Variants in MAGI2 observed in about 807,000 individuals in gnomAD.
The protein encoded by MAGI2 is membrane associated guanylate kinase, WW and PDZ domain containing 2.
Under a neutral mutation model 133.3 loss-of-function variants are expected in MAGI2, and 35 were observed. The observed-to-expected ratio is 0.26, with a 90% confidence interval of 0.20 to 0.35. The LOEUF (loss-of-function observed/expected upper bound fraction) is 0.35, where lower values mean the gene tolerates loss of function less well. MAGI2 is among the 10% of genes least tolerant of loss of function. The pLI, the probability that MAGI2 is intolerant of heterozygous loss-of-function variation, is 1.00. For missense variants in MAGI2, 1,636 were observed against 1,863.4 expected, an observed-to-expected ratio of 0.88 and a Z score of 2.25; for synonymous variants, 729 against 710.6, an observed-to-expected ratio of 1.03 and a Z score of -0.41.
intron 21 of MAGI2, among the ~76,000 whole-genome samples, chr7:78,051,549 T>C (rs1236531164): frequency 6.6e-6 from 1 of 152,162 alleles, no homozygotes; most frequent in Non-Finnish European, 1.5e-5. Flanking sequence ...GCCATTTCCA[T>C]GAGGTCAGGG....
intron 9 of MAGI2, among the ~76,000 whole-genome samples, chr7:78,279,220 G>A (rs1462255750): frequency 3.9e-5 from 6 of 152,116 alleles, no homozygotes; most frequent in Admixed American, 3.9e-4. Context: ...TGACTCAAAC[G>A]GTGGTATCAG....
intron 1 of MAGI2, among the ~76,000 whole-genome samples, chr7:79,149,035 G>T (rs989134689): frequency 7.1e-6 from 1 of 141,306 alleles, no homozygotes; most frequent in South Asian, 2.2e-4. Context: ...TAGATTTTAG[G>T]AAGTATATAT....
At chr7:78,135,923 T>A (rs1822069389) in intron 16 of MAGI2, among the ~76,000 whole-genome samples, 1 of 152,120 alleles carries the variant, frequency 6.6e-6, no homozygotes, top group Non-Finnish European at 1.5e-5. Flanking sequence ...TACAATGCCA[T>A]GGATGGTAAG....
At chr7:78,873,757 G>T (rs1795212353) in intron 2 of MAGI2, among the ~76,000 whole-genome samples, 1 of 152,106 alleles carries the variant, frequency 6.6e-6, no homozygotes, top group African/African-American at 2.4e-5. Flanking sequence ...GTACCAAAAA[G>T]GTTGGGGACC....
In MAGI2 at chr7:78,879,215, G is replaced by A. The variant is rs917222697; in HGVS notation, c.418+127875C>T. ...CACTGAGTGACCTAAAGATGAGCCT[G>A]CCTACTCTGGCCCCACCCATACTGG... On this transcript the variant is annotated intron_variant, in intron 2 of 21. Coordinates refer to ENST00000354212, the MANE Select transcript of MAGI2 (RefSeq NM_012301.4). Among the ~76,000 whole-genome samples, 133 of 152,194 alleles carry A rather than the reference G, an allele frequency of 8.7e-4. 1 individual carries two copies. The highest frequency in any genetic ancestry group is 3.2e-3 in the African/African-American group (131 of 41,454).
chr7:79,334,031 G>C (rs1406832531), intron 1 of MAGI2, among the ~76,000 whole-genome samples: 1 of 152,120 alleles, frequency 6.6e-6, no homozygotes, highest in Non-Finnish European at 1.5e-5. Context: ...AAATAGGTTT[G>C]CTATCTAATT....
chr7:79,036,675 C>T (rs922050747), intron 1 of MAGI2, among the ~76,000 whole-genome samples: 23 of 151,772 alleles, frequency 1.5e-4, no homozygotes, highest in African/African-American at 5.1e-4. Flanking sequence ...TTTTTTCCCC[C>T]GAGTATCCTC....
chr7:78,823,189 C>T (rs1790276966), intron 2 of MAGI2, among the ~76,000 whole-genome samples: 2 of 152,072 alleles, frequency 1.3e-5, no homozygotes, highest in Non-Finnish European at 2.9e-5. Flanking sequence ...TAGGTAGATC[C>T]CTACCTTGTC....
chr7:79,239,203 G>A (rs1832182272), intron 1 of MAGI2, among the ~76,000 whole-genome samples: 1 of 152,062 alleles, frequency 6.6e-6, no homozygotes, highest in Non-Finnish European at 1.5e-5. Flanking sequence ...TGGGTGGTGA[G>A]TCTACTAGTA....
chr7:78,728,540 CTTTTTTTTTTTTTTTTTTTTTT>C (rs71085560), intron 2 of MAGI2, among the ~76,000 whole-genome samples: 5 of 60,108 alleles, frequency 8.3e-5, no homozygotes, highest in African/African-American at 2.9e-4. Flanking sequence ...TTTCTCTGAT[CTTTTTTTTTTTTTTTTTTTTTT>C]TTTTTTTTTT....
rs142784434 is a variant in MAGI2, at chr7:78,990,487, G to C, written c.418+16603C>G. ...ACAAGAACTGAGGATTTGCTCAAAA[G>C]GTCTTCTCAATCGGAATGTCCTTCT... On this transcript the variant is annotated intron_variant, in intron 2 of 21. Coordinates refer to ENST00000354212, the MANE Select transcript of MAGI2 (RefSeq NM_012301.4). 5.3e-5 allele frequency among the ~76,000 whole-genome samples: 8 copies of C among 152,034 alleles called. No homozygotes were observed. The East Asian group carries it at 1.6e-3, about 30-fold the overall frequency.
intron 20 of MAGI2, among the ~76,000 whole-genome samples, chr7:78,099,930 A>G (rs1022575958): frequency 1.4e-4 from 22 of 152,214 alleles, no homozygotes; most frequent in Non-Finnish European, 2.6e-4. Context: ...AGGAGTGGGA[A>G]TAGAAACAAC....
chr7:78,607,291 C>A (rs1284728146), intron 3 of MAGI2, among the ~76,000 whole-genome samples: 1 of 151,836 alleles, frequency 6.6e-6, no homozygotes, highest in Non-Finnish European at 1.5e-5. Flanking sequence ...TAACTCTTGC[C>A]AGGGAATTTG....
At chr7:79,406,052 C>T (rs1384162965) in intron 1 of MAGI2, among the ~76,000 whole-genome samples, 1 of 151,754 alleles carries the variant, frequency 6.6e-6, no homozygotes, top group Non-Finnish European at 1.5e-5. Context: ...ATAGAATACT[C>T]GAATAAATAT....
intron 2 of MAGI2, among the ~76,000 whole-genome samples, chr7:78,778,318 C>T (rs1826138971): frequency 1.3e-5 from 2 of 152,146 alleles, no homozygotes; most frequent in African/African-American, 2.4e-5. Context: ...CACTTTAATC[C>T]ACTCAGTGTC....
chr7:78,239,641 C>A (rs142272594), intron 10 of MAGI2, among the ~76,000 whole-genome samples: 11 of 152,260 alleles, frequency 7.2e-5, no homozygotes, highest in African/African-American at 1.2e-4. Context: ...AAATGGCCAA[C>A]AAGTATATGG....
At chr7:78,344,054 A>C (rs1562859646) in intron 8 of MAGI2, 94 bp from the exon 9 acceptor site, 1 of 1,146,772 alleles carries the variant, frequency 8.7e-7, no homozygotes, top group Non-Finnish European at 1.2e-6. Flanking sequence ...CGACAATCCC[A>C]GGGGTAAATG....
intron 1 of MAGI2, among the ~76,000 whole-genome samples, chr7:79,137,347 C>T (rs1415020132): frequency 6.6e-6 from 1 of 151,958 alleles, no homozygotes; most frequent in Non-Finnish European, 1.5e-5. Context: ...CTGAGGGATG[C>T]CATGGGAGCT....
chr7:78,820,962 A>T (rs1387377260), intron 2 of MAGI2, among the ~76,000 whole-genome samples: 2 of 152,020 alleles, frequency 1.3e-5, no homozygotes, highest in African/African-American at 4.8e-5. Flanking sequence ...CATGTCATTT[A>T]TTTCATAATA....
Sources: allele counts gnomAD v4.1 joint callset (sites outside exome capture counted in the v4.1 genomes callset), GRCh38; gene constraint gnomAD v4.1.1; transcripts MANE v1.5; gene names NCBI Gene and HGNC (gene_info 2026-07-23, HGNC 2026-07-21).